The following CHRM3 variants were observed in gnomAD, a reference collection of about 807,000 sequenced individuals.
CHRM3 encodes cholinergic receptor muscarinic 3.
A neutral mutation model predicts 41.8 loss-of-function variants in CHRM3; 11 were observed. The observed-to-expected ratio is 0.26, with a 90% CI of 0.17 to 0.44. CHRM3 has a LOEUF of 0.44. Ranked by LOEUF, CHRM3 falls within the 20% of genes least tolerant of loss-of-function variation. The pLI, the probability that CHRM3 is intolerant of heterozygous loss-of-function variation, is 1.00. For synonymous variants in CHRM3, 297 were observed against 301.4 expected (o/e 0.99, Z 0.15); for missense variants, 571 against 745.4 (o/e 0.77, Z 2.72).
intron 4 of CHRM3, among the ~76,000 whole-genome samples, chr1:239,671,964 A>C (rs536050508): frequency 6.6e-6 from 1 of 152,288 alleles, no homozygotes; most frequent in East Asian, 1.9e-4. Flanking sequence ...CAAGAATGAC[A>C]GTGAAAGGGA....
At chr1:239,485,143 T>G (rs1667104888) in intron 1 of CHRM3, among the ~76,000 whole-genome samples, 1 of 152,042 alleles carries the variant, frequency 6.6e-6, no homozygotes, top group South Asian at 2.1e-4. Context: ...AGCTCAATGA[T>G]AAATTGCAAA....
intron 1 of CHRM3, among the ~76,000 whole-genome samples, chr1:239,449,061 C>CATAAACATAAA (rs1259508014): frequency 6.6e-6 from 1 of 151,914 alleles, no homozygotes; most frequent in East Asian, 1.9e-4. Context: ...CCGTTTGTTA[C>CATAAACATAAA]CATAAAAGTA....
At position 239,702,673 on chromosome 1, in the gene CHRM3, C is replaced by T. The variant is rs141961018; in HGVS notation, c.-147+24385C>T. 4.8e-3 allele frequency among the ~76,000 whole-genome samples: 724 copies of T among 152,334 alleles called. 6 individuals are homozygous for T. The highest frequency in any genetic ancestry group is 9.4e-3 in the African/African-American group (390 of 41,580). The stretch of plus-strand genomic sequence containing the variant: ...CCAGGCTGGAGTGAGCGCAGTGGCG[C>T]GATCTCAGCTCACTGCAGCCTCTGC... On this transcript the variant is annotated intron_variant, in intron 5 of 6. Transcript: ENST00000676153.
intron 5 of CHRM3, among the ~76,000 whole-genome samples, chr1:239,756,044 A>G (rs910652668): frequency 6.6e-6 from 1 of 152,204 alleles, no homozygotes; most frequent in Non-Finnish European, 1.5e-5. Context: ...TTCAAAGCAA[A>G]AAACAACAAA....
intron 1 of CHRM3, among the ~76,000 whole-genome samples, chr1:239,392,537 A>T (rs1240923093): frequency 6.6e-6 from 1 of 152,148 alleles, no homozygotes; most frequent in Non-Finnish European, 1.5e-5. Context: ...CAGGCAGGAT[A>T]TCCGCCGACT....
intron 5 of CHRM3, among the ~76,000 whole-genome samples, chr1:239,688,528 T>G (rs1316826895): frequency 7.2e-6 from 1 of 139,192 alleles, no homozygotes; most frequent in Non-Finnish European, 1.5e-5. Context: ...ATATATAATA[T>G]TTACATATAT....
chr1:239,611,619 C>T (rs567245109), intron 3 of CHRM3, among the ~76,000 whole-genome samples: 2 of 152,048 alleles, frequency 1.3e-5, no homozygotes, highest in South Asian at 4.2e-4. Context: ...TGGGGTTTCA[C>T]CATGTTGGCC....
chr1:239,711,381 C>T (rs1241117189), intron 5 of CHRM3, among the ~76,000 whole-genome samples: 1 of 152,078 alleles, frequency 6.6e-6, no homozygotes, highest in Non-Finnish European at 1.5e-5. Context: ...GTCTGCACTC[C>T]TCTTTCCATG....
chr1:239,511,913 A>G (rs1257691584), intron 2 of CHRM3, among the ~76,000 whole-genome samples: 1 of 152,206 alleles, frequency 6.6e-6, no homozygotes, highest in Non-Finnish European at 1.5e-5. Flanking sequence ...TTCCAAGTAC[A>G]TTTAAAATTC....
chr1:239,704,699 A>G lies in CHRM3; in HGVS notation c.-147+26411A>G, dbSNP rs540026287. 16 of 152,308 alleles carry G rather than the reference A, an allele frequency of 1.1e-4. No individual in the cohort carries two copies. The South Asian group carries it at 3.3e-3, about 32-fold the overall frequency. 9.4% of individuals were successfully genotyped at this position (152,308 alleles called of 1,614,324 possible). ...GACGAGGCTTATTTATTGCCAGAAGATAAGATGTGCATACATGTAACAGCA... is the reference window on the plus strand; with the variant it reads ...GACGAGGCTTATTTATTGCCAGAAGGTAAGATGTGCATACATGTAACAGCA... On this transcript the variant is annotated intron_variant, in intron 5 of 6. Coordinates refer to ENST00000676153, the MANE Select transcript of CHRM3 (RefSeq NM_001375978.1).
At position 239,549,043 on chromosome 1, in the gene CHRM3, A is replaced by G. The variant is rs570729985; in HGVS notation, c.-313+3294A>G. On this transcript the variant is annotated intron_variant, in intron 3 of 6. Coordinates refer to ENST00000676153, the MANE Select transcript of CHRM3 (RefSeq NM_001375978.1). ...CAAGGAGGAGCAAGTCACATTTTAC[A>G]TGGATGGCAGCAGGCACAGAGAGAG... Among the ~76,000 whole-genome samples, 12 of 152,260 alleles carry G rather than the reference A, an allele frequency of 7.9e-5. No homozygotes were observed. In the South Asian group the frequency reaches 2.3e-3, roughly 29 times the overall value.
chr1:239,620,713 A>G (rs752946349), intron 3 of CHRM3, among the ~76,000 whole-genome samples: 2 of 152,096 alleles, frequency 1.3e-5, no homozygotes, highest in Non-Finnish European at 2.9e-5. Context: ...CTATTGCTAT[A>G]TTGTTTATAA....
chr1:239,738,834 C>G (rs531925691), intron 5 of CHRM3, among the ~76,000 whole-genome samples: 1 of 152,248 alleles, frequency 6.6e-6, no homozygotes, highest in East Asian at 1.9e-4. Context: ...TCAGAGAGTC[C>G]TGTATCTATT....
At chr1:239,618,339 A>C (rs1667889790) in intron 3 of CHRM3, among the ~76,000 whole-genome samples, 1 of 144,258 alleles carries the variant, frequency 6.9e-6, no homozygotes, top group Admixed American at 7.2e-5. Flanking sequence ...CTAGAAGCCC[A>C]AATGGGAAAT....
chr1:239,632,366 A>G (rs1187769260), intron 4 of CHRM3, 80 bp downstream of exon 4: 1 of 152,190 alleles, frequency 6.6e-6, no homozygotes, highest in Non-Finnish European at 1.5e-5. Context: ...ATTAACAAGG[A>G]ATAAGAATGT....
intron 1 of CHRM3, among the ~76,000 whole-genome samples, chr1:239,456,721 T>G (rs757890777): frequency 5.3e-5 from 8 of 152,214 alleles, no homozygotes; most frequent in African/African-American, 9.6e-5. Flanking sequence ...GGGTGCAACA[T>G]TTGGAACTGG....
At chr1:239,462,496 G>T (rs942165174) in intron 1 of CHRM3, among the ~76,000 whole-genome samples, 7 of 152,068 alleles carry the variant, frequency 4.6e-5, no homozygotes, top group African/African-American at 1.7e-4. Flanking sequence ...GCATCCCAGG[G>T]ATGTAAAAAA....
chr1:239,768,237 T>C (rs990247637), intron 5 of CHRM3, among the ~76,000 whole-genome samples: 2 of 152,164 alleles, frequency 1.3e-5, no homozygotes, highest in African/African-American at 4.8e-5. Context: ...AAATTCTTTC[T>C]CCTAAAGCAT....
intron 4 of CHRM3, among the ~76,000 whole-genome samples, chr1:239,670,429 A>T (rs1375416172): frequency 6.6e-6 from 1 of 152,162 alleles, no homozygotes; most frequent in Non-Finnish European, 1.5e-5. Flanking sequence ...GTAGTTCATC[A>T]CTTTGTATTG....
Sources: gnomAD v4.1 joint callset for allele counts (sites outside exome capture counted in the v4.1 genomes callset) on GRCh38, gnomAD v4.1.1 for gene constraint, MANE v1.5 for transcripts, NCBI Gene and HGNC (gene_info 2026-07-23, HGNC 2026-07-21) for gene names.